TXNRD2: variants seen among roughly 807,000 people sequenced by gnomAD.
TXNRD2 encodes thioredoxin reductase 2, also known as thioredoxin reductase 2, mitochondrial.
TXNRD2 carries 67 observed loss-of-function variants against 70.8 expected under a neutral mutation model. The observed-to-expected ratio is 0.95, with a 90% CI of 0.78 to 1.16. TXNRD2 has a LOEUF of 1.16. Ranked by LOEUF, TXNRD2 falls within the 50% of genes most tolerant of loss-of-function variation. TXNRD2 has a pLI of 0.00. For missense variants in TXNRD2, 644 were observed against 719.9 expected, an observed-to-expected ratio of 0.89 and a Z score of 1.21; for synonymous variants, 301 against 295.8, an observed-to-expected ratio of 1.02 and a Z score of -0.18.
intron 17 of TXNRD2, 101 bp downstream of exon 17, chr22:19,876,939 A>T: frequency 1.3e-6 from 1 of 773,022 alleles, no homozygotes; most frequent in Non-Finnish European, 1.9e-6. Context: ...GTGGCGTGGC[A>T]GGTGTAGCCT....
At chr22:19,917,160 C>T (rs970084963) in intron 5 of TXNRD2, among the ~76,000 whole-genome samples, 1 of 152,208 alleles carries the variant, frequency 6.6e-6, no homozygotes, top group Admixed American at 6.5e-5. Flanking sequence ...AGGTGCGCCC[C>T]AGCCTCCTTC....
chr22:19,940,559 G>A (rs972124607), intron 1 of TXNRD2, among the ~76,000 whole-genome samples: 14 of 152,140 alleles, frequency 9.2e-5, no homozygotes, highest in Admixed American at 1.3e-4. Flanking sequence ...TGTGAGTATG[G>A]GAAGGGGAAG....
rs1165554583 is a variant in TXNRD2 at position 19,898,111 on chromosome 22, A to G, written c.702T>C (p.Ala234=). The change falls in exon 10 of 18, where the codon GCT becomes GCC. Residue 234 remains alanine (A), a synonymous_variant. Transcript: ENST00000400521. ...CCAGCCCAATCCCGGTGAGGAAGCC[A>G]GCACACTCCAGGGCCACATCTGTGG... ...VGASYVALEC[A]GFLTGIGLDT... 1 of 1,564,662 alleles carries G rather than the reference A, an allele frequency of 6.4e-7. No homozygotes were observed. The highest frequency in any genetic ancestry group is 8.7e-7 in the Non-Finnish European group (1 of 1,154,770).
chr22:19,878,675 C>T (rs1324278547), intron 14 of TXNRD2, among the ~76,000 whole-genome samples: 1 of 152,342 alleles, frequency 6.6e-6, no homozygotes, highest in Admixed American at 6.5e-5. Context: ...GACCCTGTCC[C>T]ACCCAGGCCT....
intron 17 of TXNRD2, chr22:19,876,327 G>A (rs1938504166): frequency 6.6e-6 from 1 of 152,374 alleles, no homozygotes; most frequent in Non-Finnish European, 1.5e-5. Context: ...AGGTGGGCTG[G>A]ATGGCACGGG....
intron 9 of TXNRD2, 53 bp from the exon 10 acceptor site, chr22:19,898,183 G>A: frequency 6.7e-7 from 1 of 1,495,332 alleles, no homozygotes; most frequent in Non-Finnish European, 9.1e-7. Context: ...GAAATGATGG[G>A]ACAACACCCC....
intron 7 of TXNRD2, among the ~76,000 whole-genome samples, chr22:19,912,568 G>C (rs187865641): frequency 6.6e-6 from 1 of 152,364 alleles, no homozygotes; most frequent in Non-Finnish European, 1.5e-5. Context: ...TGACCGCTGG[G>C]CTGCTGGAAG....
At chr22:19,883,522 G>A in intron 11 of TXNRD2, 61 bp from the exon 12 acceptor site, 1 of 1,610,232 alleles carries the variant, frequency 6.2e-7, no homozygotes, top group Non-Finnish European at 8.5e-7. Context: ...TAGAGCGGTT[G>A]TGTTTAAACT....
chr22:19,906,358 C>T (rs1161507463), intron 8 of TXNRD2, among the ~76,000 whole-genome samples: 3 of 152,092 alleles, frequency 2.0e-5, no homozygotes, highest in Admixed American at 6.5e-5. Flanking sequence ...GTCTGGGTGC[C>T]GTAGCTCACA....
rs188973046 is a variant in TXNRD2, at chr22:19,903,415, G to A, written c.663-4347C>T. Among the ~76,000 whole-genome samples, 52 of 152,364 alleles carry A rather than the reference G, an allele frequency of 3.4e-4. No individual in the cohort carries two copies. In the East Asian group the frequency reaches 9.4e-3, roughly 28 times the overall value. ...CAGCAAGAGGGAGGACTAGAATAGA[G>A]GGACCACAATTCCCTATATTGGGGT... On this transcript the variant is annotated intron_variant, in intron 8 of 17. Transcript: ENST00000400521.
At chr22:19,935,018 A>C (rs1941492603) in intron 1 of TXNRD2, among the ~76,000 whole-genome samples, 1 of 152,226 alleles carries the variant, frequency 6.6e-6, no homozygotes, top group African/African-American at 2.4e-5. Context: ...ATATGAAATC[A>C]GCGCACCTTG....
chr22:19,922,220 G>A (rs1940944270), intron 2 of TXNRD2, among the ~76,000 whole-genome samples: 1 of 152,150 alleles, frequency 6.6e-6, no homozygotes, highest in Non-Finnish European at 1.5e-5. Context: ...AGAATTAGCA[G>A]AAAAGATCAA....
chr22:19,916,794 T>C (rs7289375), intron 5 of TXNRD2, among the ~76,000 whole-genome samples: 4 of 150,742 alleles, frequency 2.7e-5, no homozygotes, highest in African/African-American at 9.8e-5. Context: ...TTTGTAGGGA[T>C]GTAGCAATAA....
chr22:19,907,057 G>T, intron 8 of TXNRD2, among the ~76,000 whole-genome samples: 1 of 97,864 alleles, frequency 1.0e-5, no homozygotes, highest in Admixed American at 1.4e-4. Flanking sequence ...GAGAGTGTGG[G>T]CGCCGTGGAT....
At chr22:19,939,130 A>G (rs1285780478) in intron 1 of TXNRD2, among the ~76,000 whole-genome samples, 1 of 152,138 alleles carries the variant, frequency 6.6e-6, no homozygotes, top group Non-Finnish European at 1.5e-5. Context: ...GGAGACTTAA[A>G]CTTCGTGTGA....
At chr22:19,896,994 TGCCTGG>T (rs1041464878) in intron 10 of TXNRD2, among the ~76,000 whole-genome samples, 2 of 152,124 alleles carry the variant, frequency 1.3e-5, no homozygotes, top group Non-Finnish European at 2.9e-5. Context: ...GCATCCTCCT[TGCCTGG>T]GCACGGCCCC....
chr22:19,928,168 G>GA (rs1175740842), intron 2 of TXNRD2, among the ~76,000 whole-genome samples: 1 of 151,014 alleles, frequency 6.6e-6, no homozygotes, highest in African/African-American at 2.4e-5. Context: ...TAAAAGAAAT[G>GA]AAAAAATACC....
At chr22:19,921,903 G>A (rs8141691) in intron 2 of TXNRD2, among the ~76,000 whole-genome samples, 55,457 of 152,034 alleles carry the variant, frequency 0.36, 10,267 homozygotes, top group East Asian at 0.49. Flanking sequence ...TTCCTGGGGC[G>A]TTGGGTCATG....
intron 5 of TXNRD2, chr22:19,916,248 A>G (rs1170117384): frequency 3.8e-6 from 1 of 262,964 alleles, no homozygotes; most frequent in East Asian, 9.8e-5. Flanking sequence ...GGGTGTGGTA[A>G]CACCAAGAGA....
Sources: allele counts gnomAD v4.1 joint callset (sites outside exome capture counted in the v4.1 genomes callset), GRCh38; gene constraint gnomAD v4.1.1; transcripts MANE v1.5; gene names NCBI Gene and HGNC (gene_info 2026-07-23, HGNC 2026-07-21).